Variants in CEACAM3 observed in about 807,000 individuals in gnomAD.
CEACAM3 encodes the protein cell adhesion molecule CEACAM3.
A neutral mutation model predicts 30.1 loss-of-function variants in CEACAM3; 32 were observed. The observed-to-expected ratio is 1.06, with a 90% CI of 0.80 to 1.43. The LOEUF is 1.43. CEACAM3 is among the 40% of genes most tolerant of loss of function. CEACAM3 has a pLI of 0.00. For synonymous variants in CEACAM3, 134 were observed against 127.2 expected (o/e 1.05, Z -0.36); for missense variants, 290 against 316.3 (o/e 0.92, Z 0.63).
chr19:41,797,975 T>A, intron 2 of CEACAM3, 27 bp downstream of exon 2: 2 of 1,574,626 alleles, frequency 1.3e-6, no homozygotes, highest in Non-Finnish European at 8.6e-7. Flanking sequence ...GACCTCTGGG[T>A]GTTGGGGGTC....
chr19:41,796,814 G>A (rs181408377), intron 1 of CEACAM3, 73 bp downstream of exon 1: 3 of 1,509,206 alleles, frequency 2.0e-6, no homozygotes, highest in African/African-American at 2.8e-5. Flanking sequence ...TGGGGAGGAT[G>A]GGGCTCTGAT....
At chr19:41,806,219 G>C (rs1356074989) in intron 2 of CEACAM3, among the ~76,000 whole-genome samples, 1 of 152,032 alleles carries the variant, frequency 6.6e-6, no homozygotes, top group African/African-American at 2.4e-5. Context: ...GTAGAGACTG[G>C]GTTTTTCGCC....
Position 41,803,757 on chromosome 19 carries a change from T to C in CEACAM3, c.425-5056T>C, listed in dbSNP as rs1238182176. Among the ~76,000 whole-genome samples, 7 of 56,276 alleles carry C rather than the reference T, an allele frequency of 1.2e-4. 1 individual carries two copies. The highest frequency in any genetic ancestry group is 2.0e-4 in the African/African-American group (6 of 30,050). 36.9% of individuals were successfully genotyped at this position (56,276 alleles called of 152,430 possible). Reference sequence around the variant, plus strand: ...CTGGGATTACAGGCATGAGCCACCATGCCCGGCCTGAAACAGCAAAGCTTT... The same window carrying C: ...CTGGGATTACAGGCATGAGCCACCACGCCCGGCCTGAAACAGCAAAGCTTT... On this transcript the variant is annotated intron_variant, in intron 2 of 6. Transcript: ENST00000357396.
Position 41,808,797 on chromosome 19 carries a change from C to T in CEACAM3, c.425-16C>T. 1 of 1,606,260 alleles carries T rather than the reference C, an allele frequency of 6.2e-7. No individual in the cohort carries two copies. Among genetic ancestry groups the T allele is most frequent in the Non-Finnish European group, 8.5e-7 (1 of 1,173,206 alleles). ...AGACTTGGGCCTCTATCCCCTTTGC[C>T]TTCTTCTTTCTGCAGAAGAAAATGC... On this transcript the variant is annotated splice_polypyrimidine_tract_variant and intron_variant, in intron 2 of 6. Coordinates refer to ENST00000357396, the MANE Select transcript of CEACAM3 (RefSeq NM_001815.5).
At chr19:41,809,116 T>A in intron 3 of CEACAM3, 186 bp downstream of exon 3, 1 of 502,224 alleles carries the variant, frequency 2.0e-6, no homozygotes, top group Admixed American at 3.6e-5. Flanking sequence ...CTCAACAGCT[T>A]CCTCCTCTGT....
intron 2 of CEACAM3, among the ~76,000 whole-genome samples, chr19:41,803,689 AC>A (rs1258367683): frequency 7.1e-6 from 1 of 140,920 alleles, no homozygotes; most frequent in Non-Finnish European, 1.6e-5. Context: ...GATGGTCTCG[AC>A]CTCCCAACCT....
chr19:41,809,080 G>T, intron 3 of CEACAM3, 150 bp downstream of exon 3: 1 of 606,826 alleles, frequency 1.6e-6, no homozygotes, highest in Non-Finnish European at 2.9e-6. Context: ...CTCCTCCCTC[G>T]TCAGCTCCTG....
chr19:41,799,713 C>G (rs143318018), intron 2 of CEACAM3, among the ~76,000 whole-genome samples: 3 of 152,128 alleles, frequency 2.0e-5, no homozygotes, highest in African/African-American at 7.2e-5. Context: ...CCTGCACCAG[C>G]GCAGGGCCCA....
chr19:41,809,040 C>A (rs2073227512), intron 3 of CEACAM3, 110 bp downstream of exon 3: 1 of 746,768 alleles, frequency 1.3e-6, no homozygotes, highest in Non-Finnish European at 2.2e-6. Context: ...CCTCCCAAGT[C>A]CCCAGGGATC....
At chr19:41,803,470 G>GT (rs1179170032) in intron 2 of CEACAM3, among the ~76,000 whole-genome samples, 1,810 of 130,716 alleles carry the variant, frequency 0.014, 41 homozygotes, top group African/African-American at 0.032. Context: ...TGTTTTGTTT[G>GT]TTTTTTTTTT....
chr19:41,796,865 C>A, intron 1 of CEACAM3, 124 bp downstream of exon 1: 1 of 970,558 alleles, frequency 1.0e-6, no homozygotes, highest in Non-Finnish European at 1.5e-6. Flanking sequence ...GGGGAGAGAA[C>A]ATCAGAGAGG....
chr19:41,799,885 C>T (rs1248374191), intron 2 of CEACAM3, among the ~76,000 whole-genome samples: 3 of 152,040 alleles, frequency 2.0e-5, no homozygotes, highest in Non-Finnish European at 2.9e-5. Flanking sequence ...TTGTTGCATT[C>T]CTCTAACCCC....
At chr19:41,806,051 G>A (rs368572570) in intron 2 of CEACAM3, among the ~76,000 whole-genome samples, 99 of 151,970 alleles carry the variant, frequency 6.5e-4, no homozygotes, top group South Asian at 1.7e-3. Flanking sequence ...TTGTTGTTAC[G>A]GAGTCTTGCT....
intron 2 of CEACAM3, among the ~76,000 whole-genome samples, chr19:41,800,949 C>T (rs1251286658): frequency 2.6e-5 from 4 of 152,102 alleles, no homozygotes; most frequent in East Asian, 1.9e-4. Context: ...CTCTCGTCTC[C>T]GCACATGGGG....
chr19:41,805,532 G>A (rs1206581672), intron 2 of CEACAM3, among the ~76,000 whole-genome samples: 2 of 151,810 alleles, frequency 1.3e-5, no homozygotes, highest in Non-Finnish European at 2.9e-5. Context: ...CAGGTGATCC[G>A]CCCGCCTCAG....
At position 41,811,301 on chromosome 19, in the gene CEACAM3, G is replaced by T; in HGVS notation, c.*64G>T. ...CCCCAAGGCCCCCAGCCCTGGGGAT[G>T]GGGAAGGACATGAAGCCTGAGCCAG... On this transcript the variant is annotated 3_prime_UTR_variant, in exon 7 of 7. Coordinates refer to ENST00000357396, the MANE Select transcript of CEACAM3 (RefSeq NM_001815.5). 7.1e-7 allele frequency: 1 copy of T among 1,404,760 alleles called. No homozygotes were observed. 87.0% of individuals were successfully genotyped at this position (1,404,760 alleles called of 1,614,324 possible).
intron 2 of CEACAM3, among the ~76,000 whole-genome samples, chr19:41,800,008 C>T (rs1387821720): frequency 2.6e-5 from 4 of 151,960 alleles, no homozygotes; most frequent in East Asian, 3.9e-4. Context: ...GTCACCCAGG[C>T]GCCGAGGCAA....
chr19:41,807,091 T>C, intron 2 of CEACAM3: 1 of 1,609,370 alleles, frequency 6.2e-7, no homozygotes. Context: ...AGGGCAATCT[T>C]CTCTCTGTTT....
intron 2 of CEACAM3, chr19:41,807,296 A>G: frequency 6.2e-7 from 1 of 1,608,472 alleles, no homozygotes; most frequent in South Asian, 1.1e-5. Context: ...CACTCTACTC[A>G]GTGTCACAAG....
Sources: allele counts gnomAD v4.1 joint callset (sites outside exome capture counted in the v4.1 genomes callset), GRCh38; gene constraint gnomAD v4.1.1; transcripts MANE v1.5; gene names NCBI Gene and HGNC (gene_info 2026-07-23, HGNC 2026-07-21).